Variants in CNTN6 observed in about 807,000 individuals in gnomAD.
The protein encoded by CNTN6 is contactin 6.
CNTN6 carries 137 observed loss-of-function variants against 122.8 expected under a neutral mutation model. The ratio of observed to expected loss-of-function variants is 1.12; its 90% CI spans 0.97 to 1.29. The LOEUF is 1.29. Among genes scored for constraint, CNTN6 ranks in the 50% most tolerant of loss-of-function variants. The pLI is 0.00. For synonymous variants in CNTN6, 570 were observed against 426.0 expected (o/e 1.34, Z -4.16); for missense variants, 1,634 against 1,223.4 (o/e 1.34, Z -5.01).
rs78198949 is a variant in CNTN6, at chr3:1,114,094, G to A, written c.-83+20974G>A. Among the ~76,000 whole-genome samples, 8 of 152,276 alleles carry A rather than the reference G, an allele frequency of 5.3e-5. No homozygotes were observed. The East Asian group carries it at 1.3e-3, about 26-fold the overall frequency. ...AATCAGGGAAGTCTTTAAGAAGTAG[G>A]TGGCATTCAACTAAAGAATACACTC... On this transcript the variant is annotated intron_variant, in intron 1 of 22. Coordinates refer to ENST00000446702, the MANE Select transcript of CNTN6 (RefSeq NM_001289080.2).
intron 2 of CNTN6, among the ~76,000 whole-genome samples, chr3:1,164,894 A>T (rs2093211901): frequency 6.6e-6 from 1 of 152,212 alleles, no homozygotes. Context: ...GGTACATTAT[A>T]TCACTGTACA....
At chr3:1,208,034 C>G (rs986439805) in intron 2 of CNTN6, among the ~76,000 whole-genome samples, 1 of 152,098 alleles carries the variant, frequency 6.6e-6, no homozygotes, top group Non-Finnish European at 1.5e-5. Flanking sequence ...AAAGCTCTCA[C>G]ATCATTCTTG....
At chr3:1,274,929 A>G (rs542505118) in intron 4 of CNTN6, among the ~76,000 whole-genome samples, 1 of 152,214 alleles carries the variant, frequency 6.6e-6, no homozygotes, top group South Asian at 2.1e-4. Context: ...TGTTTATTGG[A>G]TCTTTTATCT....
At chr3:1,336,517 G>A (rs905252486) in intron 11 of CNTN6, among the ~76,000 whole-genome samples, 7 of 152,028 alleles carry the variant, frequency 4.6e-5, no homozygotes, top group South Asian at 2.1e-4. Flanking sequence ...TGAAATGAGC[G>A]GACAGCTGGA....
chr3:1,136,948 C>T (rs915646092), intron 1 of CNTN6, among the ~76,000 whole-genome samples: 3 of 152,136 alleles, frequency 2.0e-5, no homozygotes, highest in African/African-American at 7.2e-5. Context: ...TGAAATGAGG[C>T]AGTGCATGTA....
intron 1 of CNTN6, among the ~76,000 whole-genome samples, chr3:1,144,370 G>T (rs909236527): frequency 5.9e-5 from 9 of 152,042 alleles, no homozygotes; most frequent in African/African-American, 2.2e-4. Context: ...GACATCAGGA[G>T]TTCAACACCA....
intron 2 of CNTN6, among the ~76,000 whole-genome samples, chr3:1,199,830 C>T (rs935956310): frequency 5.9e-5 from 9 of 152,006 alleles, no homozygotes; most frequent in African/African-American, 1.9e-4. Context: ...ATCATTTTGG[C>T]GTTTGCAAAA....
chr3:1,221,264 GA>G (rs555599418), intron 3 of CNTN6, among the ~76,000 whole-genome samples: 9 of 149,708 alleles, frequency 6.0e-5, no homozygotes, highest in Non-Finnish European at 8.9e-5. Flanking sequence ...GAAGAGAAAG[GA>G]AAAAAAAAGA....
chr3:1,144,582 AAATAAT>A (rs754176081), intron 1 of CNTN6, among the ~76,000 whole-genome samples: 5 of 114,422 alleles, frequency 4.4e-5, no homozygotes, highest in African/African-American at 1.9e-4. Context: ...TCTCATTAAA[AAATAAT>A]AATAATAAAA....
chr3:1,386,778 G>T (rs182948486), intron 20 of CNTN6, among the ~76,000 whole-genome samples: 7 of 152,172 alleles, frequency 4.6e-5, no homozygotes, highest in Admixed American at 3.3e-4. Context: ...GACAAATTCA[G>T]TGCCACTTAC....
chr3:1,140,159 C>G (rs919944000), intron 1 of CNTN6, among the ~76,000 whole-genome samples: 2 of 152,154 alleles, frequency 1.3e-5, no homozygotes, highest in South Asian at 2.1e-4. Flanking sequence ...TTTTTAGGAA[C>G]GGAAAGTCAA....
intron 7 of CNTN6, among the ~76,000 whole-genome samples, chr3:1,303,396 C>T (rs1312787584): frequency 6.6e-6 from 1 of 152,066 alleles, no homozygotes; most frequent in Non-Finnish European, 1.5e-5. Context: ...AAACTTTTAG[C>T]GTGAGGTTTT....
At chr3:1,123,369 G>T (rs2092034869) in intron 1 of CNTN6, among the ~76,000 whole-genome samples, 1 of 151,596 alleles carries the variant, frequency 6.6e-6, no homozygotes, top group African/African-American at 2.4e-5. Context: ...CACTTTCTCT[G>T]TTACATTTAT....
intron 17 of CNTN6, among the ~76,000 whole-genome samples, chr3:1,377,824 A>C (rs1433922907): frequency 1.3e-5 from 2 of 152,124 alleles, no homozygotes; most frequent in Non-Finnish European, 2.9e-5. Context: ...GGGGAGGAGA[A>C]AGGAAAAGGT....
At chr3:1,245,042 G>A (rs1288999713) in intron 4 of CNTN6, among the ~76,000 whole-genome samples, 7 of 148,846 alleles carry the variant, frequency 4.7e-5, no homozygotes, top group East Asian at 4.0e-4. Flanking sequence ...GGATGTATAC[G>A]TGCAAGTTAC....
At chr3:1,197,714 G>T (rs1017706117) in intron 2 of CNTN6, among the ~76,000 whole-genome samples, 8 of 152,048 alleles carry the variant, frequency 5.3e-5, no homozygotes, top group Non-Finnish European at 1.0e-4. Context: ...GCAAGTAACC[G>T]CTCTCTGAAC....
intron 2 of CNTN6, among the ~76,000 whole-genome samples, chr3:1,173,777 GAAA>G (rs34158436): frequency 6.9e-6 from 1 of 143,920 alleles, no homozygotes; most frequent in African/African-American, 2.5e-5. Flanking sequence ...TCCTTTTGGG[GAAA>G]AAAAAAAAAA....
chr3:1,279,142 G>T (rs1575531191), intron 5 of CNTN6, among the ~76,000 whole-genome samples: 4 of 152,282 alleles, frequency 2.6e-5, no homozygotes, highest in Admixed American at 2.6e-4. Context: ...ATGTCTCCTG[G>T]CAATGGTAAA....
intron 8 of CNTN6, among the ~76,000 whole-genome samples, chr3:1,322,722 C>T (rs1270545926): frequency 2.0e-5 from 3 of 151,092 alleles, no homozygotes; most frequent in South Asian, 4.2e-4. Context: ...ATTGAGTGCC[C>T]GTGGGGAGAA....
Sources: gnomAD v4.1 joint callset for allele counts (sites outside exome capture counted in the v4.1 genomes callset) on GRCh38, gnomAD v4.1.1 for gene constraint, MANE v1.5 for transcripts, NCBI Gene and HGNC (gene_info 2026-07-23, HGNC 2026-07-21) for gene names.